The following SPIDR variants were observed in gnomAD, a reference collection of about 807,000 sequenced individuals.
SPIDR encodes DNA repair-scaffolding protein.
Under a neutral mutation model 104.6 loss-of-function variants are expected in SPIDR, and 93 were observed. The ratio of observed to expected loss-of-function variants is 0.89; its 90% CI spans 0.75 to 1.06. The LOEUF is 1.06. Ranked by LOEUF, SPIDR falls within the 50% of genes least tolerant of loss-of-function variation. SPIDR has a pLI of 0.00. For missense variants in SPIDR, 1,154 were observed against 1,111.2 expected (o/e 1.04, Z -0.55); for synonymous variants, 431 against 416.9 (o/e 1.03, Z -0.41).
chr8:47,702,757 C>T (rs1435213249), intron 14 of SPIDR, among the ~76,000 whole-genome samples: 2 of 152,214 alleles, frequency 1.3e-5, no homozygotes, highest in Admixed American at 1.3e-4. Flanking sequence ...GCACCGGGTG[C>T]ATCTGCCATG....
At chr8:47,625,005 C>G (rs144408471) in intron 10 of SPIDR, among the ~76,000 whole-genome samples, 1 of 152,126 alleles carries the variant, frequency 6.6e-6, no homozygotes, top group Non-Finnish European at 1.5e-5. Context: ...ACTGGCAAAT[C>G]GAATCCAGCA....
At chr8:47,652,122 AAAAT>A (rs1475499852) in intron 10 of SPIDR, among the ~76,000 whole-genome samples, 4 of 152,364 alleles carry the variant, frequency 2.6e-5, no homozygotes, top group East Asian at 1.9e-4. Context: ...AAATTTTTAA[AAAAT>A]AAATAAGGGT....
intron 12 of SPIDR, 59 bp from the exon 13 acceptor site, chr8:47,701,662 T>G: frequency 6.6e-7 from 1 of 1,520,676 alleles, no homozygotes; most frequent in South Asian, 1.2e-5. Context: ...TAATAATATC[T>G]CCTCTTTTTG....
intron 5 of SPIDR, among the ~76,000 whole-genome samples, chr8:47,335,151 T>C (rs2049450313): frequency 6.6e-6 from 1 of 152,234 alleles, no homozygotes; most frequent in African/African-American, 2.4e-5. Flanking sequence ...CATTATCTGT[T>C]AGGTCAATTA....
intron 5 of SPIDR, among the ~76,000 whole-genome samples, chr8:47,314,102 A>G (rs1406334613): frequency 2.6e-5 from 4 of 152,218 alleles, no homozygotes; most frequent in African/African-American, 9.6e-5. Context: ...TGGCATTTAT[A>G]TATGACTGCT....
At chr8:47,589,378 C>T (rs778246009) in intron 8 of SPIDR, among the ~76,000 whole-genome samples, 43 of 151,570 alleles carry the variant, frequency 2.8e-4, no homozygotes, top group Non-Finnish European at 4.9e-4. Context: ...AAAAATTTGC[C>T]GGGCATGGTG....
At chr8:47,610,527 A>G (rs1289267827) in intron 10 of SPIDR, among the ~76,000 whole-genome samples, 1 of 152,158 alleles carries the variant, frequency 6.6e-6, no homozygotes, top group East Asian at 1.9e-4. Flanking sequence ...GCCTCTGTCA[A>G]ATGACCTACT....
At chr8:47,347,196 T>C (rs1244233563) in intron 5 of SPIDR, among the ~76,000 whole-genome samples, 1 of 152,190 alleles carries the variant, frequency 6.6e-6, no homozygotes, top group East Asian at 1.9e-4. Flanking sequence ...GCCTTCATTT[T>C]GTTATTTACC....
chr8:47,651,317 GACT>G (rs1254643425), intron 10 of SPIDR, among the ~76,000 whole-genome samples: 1 of 152,110 alleles, frequency 6.6e-6, no homozygotes, highest in African/African-American at 2.4e-5. Flanking sequence ...CTCAAAAGAT[GACT>G]TACAAATGGC....
intron 7 of SPIDR, among the ~76,000 whole-genome samples, chr8:47,439,900 T>A (rs1038374074): frequency 2.0e-5 from 3 of 152,194 alleles, no homozygotes; most frequent in Non-Finnish European, 4.4e-5. Flanking sequence ...CATACATGAT[T>A]TCAAAGCAGA....
At chr8:47,431,611 C>T (rs966516285) in intron 7 of SPIDR, among the ~76,000 whole-genome samples, 7 of 152,126 alleles carry the variant, frequency 4.6e-5, no homozygotes, top group Admixed American at 1.3e-4. Context: ...TGACTGCTCT[C>T]GTCACTGGGG....
chr8:47,508,840 G>A (rs1399813166), intron 8 of SPIDR, among the ~76,000 whole-genome samples: 1 of 152,130 alleles, frequency 6.6e-6, no homozygotes, highest in South Asian at 2.1e-4. Context: ...GAGAAGTCCG[G>A]TTGTTTCTTT....
In SPIDR at chr8:47,613,324, A is replaced by C. The variant is rs2063840691; in HGVS notation, c.1544+14128A>C. Among the ~76,000 whole-genome samples the C allele has an allele frequency of 2.6e-5, 4 of 152,220 alleles. No homozygotes were observed. The South Asian group carries it at 8.3e-4, about 32-fold the overall frequency. On this transcript the variant is annotated intron_variant, in intron 10 of 19. Coordinates refer to ENST00000297423, the MANE Select transcript of SPIDR (RefSeq NM_001080394.4). Reference sequence around the variant, plus strand: ...GCTCATCCATGCTGTAGCATGTACCAGTATTTCATTTCTTTTTATGGCTGA... The same window carrying C: ...GCTCATCCATGCTGTAGCATGTACCCGTATTTCATTTCTTTTTATGGCTGA...
chr8:47,490,100 T>C lies in SPIDR; in HGVS notation c.1097+49558T>C, dbSNP rs1188950934. Reference sequence around the variant, plus strand: ...ATGGGAGAACATTTTTGCAATCTACTCATCTGAAAAAGGGCTAATATCCAG... The same window carrying C: ...ATGGGAGAACATTTTTGCAATCTACCCATCTGAAAAAGGGCTAATATCCAG... On this transcript the variant is annotated intron_variant, in intron 8 of 19. Coordinates refer to ENST00000297423, the MANE Select transcript of SPIDR (RefSeq NM_001080394.4). Among the ~76,000 whole-genome samples, 8 of 152,128 alleles carry C rather than the reference T, an allele frequency of 5.3e-5. No individual in the cohort carries two copies. The South Asian group carries it at 6.2e-4, about 12-fold the overall frequency.
chr8:47,320,360 C>A lies in SPIDR; in HGVS notation c.525+26330C>A, dbSNP rs576129382. Among the ~76,000 whole-genome samples the A allele has an allele frequency of 3.1e-3, 469 of 152,066 alleles. 1 individual carries two copies. The highest frequency in any genetic ancestry group is 0.011 in the African/African-American group (454 of 41,514). ...CTAGAAAATCTAGAAGAAATGGATA[C>A]ATTCCTGGACACATACACCCTCCCA... On this transcript the variant is annotated intron_variant, in intron 5 of 19. Coordinates refer to ENST00000297423, the MANE Select transcript of SPIDR (RefSeq NM_001080394.4).
At chr8:47,335,719 G>C (rs1457745133) in intron 5 of SPIDR, among the ~76,000 whole-genome samples, 1 of 152,150 alleles carries the variant, frequency 6.6e-6, no homozygotes, top group African/African-American at 2.4e-5. Flanking sequence ...CCAAAGTGGG[G>C]ATTACAGGCG....
At chr8:47,603,190 C>T (rs1047865796) in intron 10 of SPIDR, among the ~76,000 whole-genome samples, 1 of 149,988 alleles carries the variant, frequency 6.7e-6, no homozygotes, top group African/African-American at 2.5e-5. Flanking sequence ...CACTGGCCTT[C>T]GAGGTAACTT....
At chr8:47,686,416 T>C (rs559401444) in intron 11 of SPIDR, among the ~76,000 whole-genome samples, 15 of 152,306 alleles carry the variant, frequency 9.8e-5, no homozygotes, top group Admixed American at 5.9e-4. Flanking sequence ...TTGGAAAAAA[T>C]ACTTAAATCT....
Position 47,407,872 on chromosome 8 carries a change from CAGAA to C in SPIDR, c.792_795del (p.Glu264AspfsTer2). 6.3e-7 allele frequency: 1 copy of C among 1,593,956 alleles called. No individual in the cohort carries two copies. The highest frequency in any genetic ancestry group is 8.6e-7 in the Non-Finnish European group (1 of 1,166,098). ...AATTCATTAAACAGAGGTGGACTAG[CAGAA>C]AGACTAAATGGACTGCAGAATCGAG... On this transcript the variant is annotated frameshift_variant, in exon 7 of 20. Transcript: ENST00000297423. LOFTEE classifies it high-confidence loss of function.
Sources: allele counts gnomAD v4.1 joint callset (sites outside exome capture counted in the v4.1 genomes callset), GRCh38; gene constraint gnomAD v4.1.1; transcripts MANE v1.5; gene names NCBI Gene and HGNC (gene_info 2026-07-23, HGNC 2026-07-21).